The following HECW1 variants were observed in gnomAD, a reference collection of about 807,000 sequenced individuals.
HECW1 encodes E3 ubiquitin-protein ligase HECW1.
HECW1 carries 61 observed loss-of-function variants against 182.3 expected under a neutral mutation model. The observed-to-expected ratio is 0.33, with a 90% CI of 0.27 to 0.41. The LOEUF is 0.41. Among genes scored for constraint, HECW1 ranks in the 10% least tolerant of loss-of-function variants. The pLI is 1.00. For synonymous variants in HECW1, 859 were observed against 832.6 expected, an observed-to-expected ratio of 1.03 and a Z score of -0.55; for missense variants, 1,739 against 2,108.9, an observed-to-expected ratio of 0.82 and a Z score of 3.44.
chr7:43,407,750 G>GAAAAAAAGCCCAA lies in HECW1; in HGVS notation c.801+20_801+32dup. 1 of 1,584,928 alleles carries GAAAAAAAGCCCAA rather than the reference G, an allele frequency of 6.3e-7. No individual in the cohort carries two copies. Among genetic ancestry groups the GAAAAAAAGCCCAA allele is most frequent in the Non-Finnish European group, 8.6e-7 (1 of 1,164,500 alleles). ...GGCCGAGGTGAGTGCTGTGGGCCCT[G>GAAAAAAAGCCCAA]AAAAAAAGCCCAAGTAAAAGTGAAA... On this transcript the variant is annotated intron_variant, in intron 8 of 29. Coordinates refer to ENST00000395891, the MANE Select transcript of HECW1 (RefSeq NM_015052.5).
intron 2 of HECW1, among the ~76,000 whole-genome samples, chr7:43,168,662 A>AAATAAT (rs1196339674): frequency 6.6e-6 from 1 of 152,130 alleles, no homozygotes; most frequent in East Asian, 1.9e-4. Flanking sequence ...CCTGTCTCCA[A>AAATAAT]AATAATAATA....
rs1186540418 is a variant in HECW1 at position 43,444,550 on chromosome 7, G to A, written c.1378G>A (p.Glu460Lys). ...QPAPSAEELA[E>K]QLDLGEEASA... ...TGCCCCCAGTGCAGAAGAGCTGGCC[G>A]AGCAGCTGGACCTGGGTGAGGAGGC... is the stretch of plus-strand genomic sequence containing the variant. The change falls in exon 11 of 30, where the codon GAG (glutamate) becomes AAG (lysine). Residue 460 changes from glutamate (E) to lysine (K), a missense_variant. Glu to Lys is a moderately conservative substitution (Grantham distance 56). Transcript: ENST00000395891. This position sits in a 1 kb window ranked among gnomAD's most constrained non-coding sequence, Gnocchi z 4.3. The A allele has an allele frequency of 1.1e-5, 18 of 1,610,608 alleles. 1 individual carries two copies. In the Admixed American group the frequency reaches 2.0e-4, roughly 18 times the overall value.
chr7:43,137,481 G>A (rs917821969), intron 2 of HECW1, among the ~76,000 whole-genome samples: 12 of 152,058 alleles, frequency 7.9e-5, no homozygotes, highest in African/African-American at 1.9e-4. Context: ...CTCAGCTCTT[G>A]GAACTTGTAA....
At chr7:43,496,010 T>TTACTTAAAAA (rs2079107868) in intron 19 of HECW1, among the ~76,000 whole-genome samples, 1 of 152,050 alleles carries the variant, frequency 6.6e-6, no homozygotes, top group Admixed American at 6.6e-5. Flanking sequence ...ATTCCCTACA[T>TTACTTAAAAA]AAGTGAGTGG....
At chr7:43,155,694 G>A (rs969929468) in intron 2 of HECW1, among the ~76,000 whole-genome samples, 2 of 152,142 alleles carry the variant, frequency 1.3e-5, no homozygotes, top group African/African-American at 2.4e-5. Flanking sequence ...TTTCTCTGCA[G>A]CAATTGTCTC....
At chr7:43,265,324 G>A (rs1019322011) in intron 3 of HECW1, among the ~76,000 whole-genome samples, 1 of 152,142 alleles carries the variant, frequency 6.6e-6, no homozygotes, top group Non-Finnish European at 1.5e-5. Context: ...CAACTCATTG[G>A]CCAGAATTGG....
At chr7:43,468,182 T>TAC (rs781272144) in intron 15 of HECW1, among the ~76,000 whole-genome samples, 195 of 151,836 alleles carry the variant, frequency 1.3e-3, no homozygotes, top group African/African-American at 4.6e-3. Flanking sequence ...CCCCTACACA[T>TAC]ACACACACAC....
At chr7:43,501,418 C>A in intron 21 of HECW1, 96 bp downstream of exon 21, 1 of 665,414 alleles carries the variant, frequency 1.5e-6, no homozygotes, top group Non-Finnish European at 2.6e-6. Context: ...TGTGTTCTTT[C>A]TCTCGGCCTT....
At chr7:43,535,489 G>C (rs1340324153) in intron 24 of HECW1, among the ~76,000 whole-genome samples, 1 of 152,140 alleles carries the variant, frequency 6.6e-6, no homozygotes, top group Non-Finnish European at 1.5e-5. Flanking sequence ...AGTGACATTT[G>C]CTCATTCCCA....
intron 24 of HECW1, among the ~76,000 whole-genome samples, chr7:43,520,393 C>T (rs886727514): frequency 6.6e-6 from 1 of 152,088 alleles, no homozygotes; most frequent in African/African-American, 2.4e-5. Flanking sequence ...CTTGAGACAC[C>T]ATCTGCCTCT....
chr7:43,550,417 C>A, intron 26 of HECW1, 28 bp from the exon 27 acceptor site: 1 of 1,613,100 alleles, frequency 6.2e-7, no homozygotes, highest in Non-Finnish European at 8.5e-7. Context: ...AACTGACAAG[C>A]ATCGCAATAT....
chr7:43,351,806 C>T (rs1814512033), intron 5 of HECW1, among the ~76,000 whole-genome samples: 1 of 151,498 alleles, frequency 6.6e-6, no homozygotes, highest in Non-Finnish European at 1.5e-5. Flanking sequence ...TACTTTCCTC[C>T]TGAGGGGTTT....
chr7:43,272,975 A>G (rs1802597303), intron 3 of HECW1, among the ~76,000 whole-genome samples: 2 of 152,230 alleles, frequency 1.3e-5, no homozygotes, highest in Non-Finnish European at 2.9e-5. Context: ...TACACCATGG[A>G]ATACTAGGCA....
At chr7:43,547,778 A>T (rs996329483) in intron 26 of HECW1, among the ~76,000 whole-genome samples, 1 of 152,202 alleles carries the variant, frequency 6.6e-6, no homozygotes, top group Non-Finnish European at 1.5e-5. Flanking sequence ...TTGTAATATC[A>T]TGATTTTTCT....
rs2076766808 is a variant in HECW1, at chr7:43,438,109, T to C, written c.908T>C (p.Met303Thr). ...IIKRFLGKLS[M>T]PVQRLLERHA... ...AAGCGCTTCTTGGGAAAGCTGTCGA[T>C]GCCCGTTCAAAGACTCCTGGAGAGA... is the stretch of plus-strand genomic sequence containing the variant. Residue 303 changes from methionine (M) to threonine (T), a missense_variant, in exon 9 of 30, where the codon ATG becomes ACG. By Grantham distance (81) the Met-to-Thr change is moderately conservative (BLOSUM62 -1). Around this residue, in one of 5 missense-constraint regions of HECW1, gnomAD observed 66 missense variants for 113.8 expected, o/e 0.58. Transcript: ENST00000395891. The C allele has an allele frequency of 5.6e-6, 9 of 1,614,046 alleles. No individual in the cohort carries two copies. The highest frequency in any genetic ancestry group is 7.6e-6 in the Non-Finnish European group (9 of 1,180,024).
rs2152872046 is a variant in HECW1, at chr7:43,438,115, T to C, written c.914T>C (p.Val305Ala). The change falls in exon 9 of 30, where the codon GTT becomes GCT. Residue 305 changes from valine to alanine, a missense_variant. By Grantham distance (64) the Val-to-Ala change is moderately conservative. This residue lies in a region of HECW1 where 66 missense variants were observed against 113.8 expected (regional missense o/e 0.58). Coordinates refer to ENST00000395891, the MANE Select transcript of HECW1 (RefSeq NM_015052.5). The part of the protein sequence containing the change: ...KRFLGKLSMP[V>A]QRLLERHAIG... Reference sequence around the variant, plus strand: ...TTCTTGGGAAAGCTGTCGATGCCCGTTCAAAGACTCCTGGAGAGACACGCC... The same window carrying C: ...TTCTTGGGAAAGCTGTCGATGCCCGCTCAAAGACTCCTGGAGAGACACGCC... 6.2e-7 allele frequency: 1 copy of C among 1,614,136 alleles called. No homozygotes were observed.
chr7:43,429,186 A>T (rs1403418563), intron 8 of HECW1, among the ~76,000 whole-genome samples: 1 of 149,422 alleles, frequency 6.7e-6, no homozygotes, highest in African/African-American at 2.4e-5. Context: ...GTGGCTGAGG[A>T]TTCTCATATG....
Position 43,470,463 on chromosome 7 carries a change from A to G in HECW1, c.3099+1358A>G, listed in dbSNP as rs542941140. On this transcript the variant is annotated intron_variant, in intron 16 of 29. Transcript: ENST00000395891. ...GGATGACAGGGAGCACAGTGGAATGACAAGGAGGCTTCCCAATGCAATAAG... is the reference window on the plus strand; with the variant it reads ...GGATGACAGGGAGCACAGTGGAATGGCAAGGAGGCTTCCCAATGCAATAAG... Among the ~76,000 whole-genome samples the G allele has an allele frequency of 1.1e-4, 16 of 152,302 alleles. No individual in the cohort carries two copies. In the South Asian group the frequency reaches 2.7e-3, roughly 26 times the overall value.
intron 8 of HECW1, among the ~76,000 whole-genome samples, chr7:43,425,304 T>TGACAGATAGATA (rs1554408924): frequency 6.7e-6 from 1 of 148,246 alleles, no homozygotes; most frequent in African/African-American, 2.5e-5. Context: ...GATAGATAGA[T>TGACAGATAGATA]GATAGATAGA....
Sources: allele counts gnomAD v4.1 joint callset (sites outside exome capture counted in the v4.1 genomes callset), GRCh38; gene constraint gnomAD v4.1.1; regional missense constraint gnomAD v4.1.1; non-coding constraint Gnocchi (gnomAD v3.1); transcripts MANE v1.5; gene names NCBI Gene and HGNC (gene_info 2026-07-23, HGNC 2026-07-21).